The following DAB1 variants were observed in gnomAD, a reference collection of about 807,000 sequenced individuals.
DAB1 encodes DAB adaptor protein 1.
DAB1 carries 15 observed loss-of-function variants against 64.6 expected under a neutral mutation model. The ratio of observed to expected loss-of-function variants is 0.23; its 90% CI spans 0.16 to 0.36. DAB1 has a LOEUF of 0.36. Ranked by LOEUF, DAB1 falls within the 10% of genes least tolerant of loss-of-function variation. DAB1 has a pLI of 1.00. For synonymous variants in DAB1, 235 were observed against 251.9 expected (o/e 0.93, Z 0.64); for missense variants, 596 against 706.7 (o/e 0.84, Z 1.78).
chr1:57,473,294 G>A (rs1055966647), intron 7 of DAB1, among the ~76,000 whole-genome samples: 3 of 152,154 alleles, frequency 2.0e-5, no homozygotes, highest in African/African-American at 7.2e-5. Flanking sequence ...TGCCAGGGCT[G>A]GACACCCACC....
At chr1:57,033,140 T>A (rs1647017129) in intron 9 of DAB1, among the ~76,000 whole-genome samples, 1 of 150,912 alleles carries the variant, frequency 6.6e-6, no homozygotes, top group Non-Finnish European at 1.5e-5. Context: ...AAAGAAGGGG[T>A]GCTATCTCCT....
intron 7 of DAB1, among the ~76,000 whole-genome samples, chr1:57,609,475 AG>A (rs1174563209): frequency 6.6e-6 from 1 of 152,158 alleles, no homozygotes; most frequent in African/African-American, 2.4e-5. Flanking sequence ...TTTGTATTTG[AG>A]GGGGATCCTC....
chr1:58,474,589 T>G (rs932139204), intron 3 of DAB1, among the ~76,000 whole-genome samples: 1 of 152,102 alleles, frequency 6.6e-6, no homozygotes, highest in Non-Finnish European at 1.5e-5. Context: ...TGCTGGGCCT[T>G]TTTCATGAAT....
At chr1:57,143,405 T>C (rs1023606121) in intron 3 of DAB1, among the ~76,000 whole-genome samples, 6 of 152,184 alleles carry the variant, frequency 3.9e-5, no homozygotes, top group Non-Finnish European at 5.9e-5. Context: ...AAGCTCATCA[T>C]TGGACTACCC....
At chr1:57,559,640 T>C (rs1047317736) in intron 7 of DAB1, among the ~76,000 whole-genome samples, 7 of 152,154 alleles carry the variant, frequency 4.6e-5, no homozygotes, top group Non-Finnish European at 1.0e-4. Context: ...AGGTCTGACT[T>C]ACAGTGGGTC....
chr1:57,042,898 G>C (rs1647972564), intron 9 of DAB1, among the ~76,000 whole-genome samples: 1 of 151,824 alleles, frequency 6.6e-6, no homozygotes, highest in African/African-American at 2.4e-5. Flanking sequence ...TATGGCATTT[G>C]TTATTAGGAA....
intron 7 of DAB1, among the ~76,000 whole-genome samples, chr1:57,594,120 C>G (rs1645478528): frequency 6.6e-6 from 1 of 152,188 alleles, no homozygotes; most frequent in Non-Finnish European, 1.5e-5. Flanking sequence ...TCCTACTCCT[C>G]TGAAAGAGAC....
intron 5 of DAB1, among the ~76,000 whole-genome samples, chr1:58,061,298 A>T (rs1648490022): frequency 6.6e-6 from 1 of 152,220 alleles, no homozygotes; most frequent in East Asian, 1.9e-4. Context: ...AAACCGGGCG[A>T]CTTCAACAAT....
intron 5 of DAB1, among the ~76,000 whole-genome samples, chr1:58,078,224 C>T (rs1347400869): frequency 6.6e-6 from 1 of 152,206 alleles, no homozygotes; most frequent in African/African-American, 2.4e-5. Context: ...ATCTTAACTC[C>T]TTAAAGAACT....
rs1395597624 is a variant in DAB1, at chr1:57,953,369, T to C, written n.388-69207A>G. Among the ~76,000 whole-genome samples, 3 of 152,222 alleles carry C rather than the reference T, an allele frequency of 2.0e-5. No homozygotes were observed. The East Asian group carries it at 5.8e-4, about 29-fold the overall frequency. On this transcript the variant is annotated intron_variant and non_coding_transcript_variant, in intron 5 of 20. Transcript: ENST00000485760. ...ATGTTAAATTTTGAGTTTTGTTTAT[T>C]GCCTGCTAGTGTTTGCTTTTTGGTA... is the stretch of plus-strand genomic sequence containing the variant.
intron 5 of DAB1, among the ~76,000 whole-genome samples, chr1:58,044,781 A>G (rs547228519): frequency 6.6e-6 from 1 of 152,302 alleles, no homozygotes; most frequent in Admixed American, 6.5e-5. Context: ...AGGATTCAGA[A>G]TCATATGTAT....
intron 3 of DAB1, among the ~76,000 whole-genome samples, chr1:58,499,031 A>G (rs950400497): frequency 1.4e-4 from 21 of 152,176 alleles, no homozygotes; most frequent in Non-Finnish European, 2.8e-4. Flanking sequence ...AAAACATTTT[A>G]TAATCAACCA....
intron 2 of DAB1, among the ~76,000 whole-genome samples, chr1:57,227,797 T>C (rs1415411119): frequency 1.3e-5 from 2 of 152,122 alleles, no homozygotes; most frequent in South Asian, 2.1e-4. Context: ...ACTCAAGCTA[T>C]CCTCCTGCCT....
chr1:57,707,994 G>A (rs1193773208), intron 6 of DAB1, among the ~76,000 whole-genome samples: 1 of 151,992 alleles, frequency 6.6e-6, no homozygotes, highest in Non-Finnish European at 1.5e-5. Context: ...CATGTGGGCT[G>A]CCCTGAGTTA....
At chr1:57,193,527 C>T (rs1163834212) in intron 2 of DAB1, among the ~76,000 whole-genome samples, 1 of 151,166 alleles carries the variant, frequency 6.6e-6, no homozygotes, top group Non-Finnish European at 1.5e-5. Flanking sequence ...GCTGGGACTG[C>T]AGGCGCCCGC....
Position 57,182,178 on chromosome 1 carries a change from T to C in DAB1, c.68-36749A>G, listed in dbSNP as rs74774590. Reference sequence around the variant, plus strand: ...GGGATTACAGGTGTGAGCCACCGCGTCCAGCTGCAAGTCAAGTATTCAACA... The same window carrying C: ...GGGATTACAGGTGTGAGCCACCGCGCCCAGCTGCAAGTCAAGTATTCAACA... On this transcript the variant is annotated intron_variant, in intron 2 of 14. Transcript: ENST00000371236. Among the ~76,000 whole-genome samples the C allele has an allele frequency of 6.0e-3, 908 of 152,212 alleles. 12 individuals carry two copies. The highest frequency in any genetic ancestry group is 0.021 in the African/African-American group (870 of 41,538).
intron 4 of DAB1, among the ~76,000 whole-genome samples, chr1:58,292,643 G>A (rs1319208609): frequency 6.6e-6 from 1 of 152,046 alleles, no homozygotes; most frequent in African/African-American, 2.4e-5. Flanking sequence ...GCATTTTCAG[G>A]GTTAAGGGTT....
At chr1:57,912,125 A>T (rs1644654456) in intron 5 of DAB1, among the ~76,000 whole-genome samples, 1 of 152,280 alleles carries the variant, frequency 6.6e-6, no homozygotes, top group Non-Finnish European at 1.5e-5. Flanking sequence ...CTTAAAAGTG[A>T]TGTCTGCTAA....
intron 6 of DAB1, among the ~76,000 whole-genome samples, chr1:57,781,894 T>A (rs1420053263): frequency 6.6e-6 from 1 of 152,142 alleles, no homozygotes; most frequent in Non-Finnish European, 1.5e-5. Flanking sequence ...TTTTCCTTAT[T>A]ATGTAAAAAC....
Sources: allele counts gnomAD v4.1 joint callset (sites outside exome capture counted in the v4.1 genomes callset), GRCh38; gene constraint gnomAD v4.1.1; transcripts MANE v1.5; gene names NCBI Gene and HGNC (gene_info 2026-07-23, HGNC 2026-07-21).